The following AAK1 variants were observed in gnomAD, a reference collection of about 807,000 sequenced individuals.
AAK1 encodes the protein AP2 associated kinase 1, also known as AP2-associated protein kinase 1.
Under a neutral mutation model 116.0 loss-of-function variants are expected in AAK1, and 37 were observed. The ratio of observed to expected loss-of-function variants is 0.32; its 90% CI spans 0.25 to 0.42. The LOEUF is 0.42. AAK1 is among the 10% of genes least tolerant of loss of function. The pLI is 1.00. For missense variants in AAK1, 919 were observed against 1,170.6 expected (o/e 0.79, Z 3.14); for synonymous variants, 458 against 439.9 (o/e 1.04, Z -0.51).
At chr2:69,509,191 C>T (rs1676299449) in intron 14 of AAK1, 40 bp downstream of exon 14, 3 of 1,581,644 alleles carry the variant, frequency 1.9e-6, no homozygotes, top group Non-Finnish European at 2.6e-6. Flanking sequence ...GCAGACTTTG[C>T]CCACAGAGGT....
intron 2 of AAK1, among the ~76,000 whole-genome samples, chr2:69,605,556 T>A (rs1673764497): frequency 6.6e-6 from 1 of 152,178 alleles, no homozygotes; most frequent in Non-Finnish European, 1.5e-5. Context: ...TGGTACAACG[T>A]CAAAACCAGG....
At chr2:69,608,929 G>C (rs1673935001) in intron 2 of AAK1, among the ~76,000 whole-genome samples, 1 of 152,202 alleles carries the variant, frequency 6.6e-6, no homozygotes, top group Non-Finnish European at 1.5e-5. Flanking sequence ...TGAAAGACTT[G>C]TACACCGAAA....
intron 2 of AAK1, among the ~76,000 whole-genome samples, chr2:69,590,163 T>A (rs1672968676): frequency 2.0e-5 from 3 of 152,116 alleles, no homozygotes; most frequent in Admixed American, 2.0e-4. Flanking sequence ...GCAGAACACA[T>A]CATGTCATTC....
chr2:69,484,519 G>A (rs1190031446), intron 17 of AAK1, among the ~76,000 whole-genome samples: 6 of 152,156 alleles, frequency 3.9e-5, no homozygotes, highest in Non-Finnish European at 7.4e-5. Flanking sequence ...ACGGCTGGGT[G>A]CAGTGGCTCA....
At chr2:69,482,926 G>A (rs3732273) in intron 17 of AAK1, 114 bp from the exon 18 acceptor site, 31,794 of 647,972 alleles carry the variant, frequency 0.049, 2,730 homozygotes, top group African/African-American at 0.21. Flanking sequence ...TTTGGTACAG[G>A]TTCACCATAA....
rs144741625 is a variant in AAK1, at chr2:69,614,012, G to C, written c.163+28866C>G. 3.0e-3 allele frequency among the ~76,000 whole-genome samples: 462 copies of C among 152,266 alleles called. 3 individuals carry two copies. The highest frequency in any genetic ancestry group is 0.011 in the African/African-American group (445 of 41,540). On this transcript the variant is annotated intron_variant, in intron 2 of 21. Transcript: ENST00000409085. ...GTGTCAGAATTAATTTGAATAGTAG[G>C]ACACCCAAACGGTGTCTAGGAAGTC...
chr2:69,500,902 T>C (rs1377192093), intron 16 of AAK1, among the ~76,000 whole-genome samples: 5 of 151,740 alleles, frequency 3.3e-5, no homozygotes, highest in Non-Finnish European at 7.4e-5. Context: ...TGGAAAATGA[T>C]CAGGGACCTC....
At position 69,464,650 on chromosome 2, in the gene AAK1, G is replaced by T. The variant is rs756345784; in HGVS notation, c.*11219C>A. ...GGAAATGCTTCCTGTGCACACACAC[G>T]TATACATGCACACACAAACCTGTAC... On this transcript the variant is annotated 3_prime_UTR_variant, in exon 22 of 22. Coordinates refer to ENST00000409085, the MANE Select transcript of AAK1 (RefSeq NM_014911.5). 6.6e-6 allele frequency: 1 copy of T among 152,072 alleles called. No individual in the cohort carries two copies. The highest frequency in any genetic ancestry group is 1.5e-5 in the Non-Finnish European group (1 of 68,044). 9.4% of individuals were successfully genotyped at this position (152,072 alleles called of 1,614,324 possible). A position where few individuals can be genotyped will look rare whatever the true frequency, so the allele number is the denominator to read the frequency against.
intron 2 of AAK1, among the ~76,000 whole-genome samples, chr2:69,559,416 C>G (rs1007931116): frequency 3.9e-5 from 6 of 152,106 alleles, no homozygotes; most frequent in African/African-American, 1.4e-4. Context: ...TTCTTCCCCC[C>G]ACCCCCTGCC....
intron 2 of AAK1, chr2:69,597,407 G>T: frequency 6.3e-6 from 1 of 158,412 alleles, no homozygotes; most frequent in Middle Eastern, 9.7e-4. Context: ...TCCCTCACAT[G>T]GGGTCTCCTG....
At position 69,509,443 on chromosome 2, in the gene AAK1, T is replaced by C. The variant is rs572745013; in HGVS notation, c.1794A>G (p.Arg598=). 6.2e-7 allele frequency: 1 copy of C among 1,613,746 alleles called. No homozygotes were observed. The highest frequency in any genetic ancestry group is 1.7e-5 in the Admixed American group (1 of 59,992). ...AQEPAIQAPV[R]QQPKVQTTPP... ...GGGTTGTCTGAACCTTTGGCTGTTG[T>C]CTTACTGGGGCTTGAATCTGCTAGG... Residue 598 remains arginine (R), a synonymous_variant, in exon 14 of 22, where the codon AGA becomes AGG. Transcript: ENST00000409085.
At chr2:69,607,219 G>A (rs2105208565) in intron 2 of AAK1, among the ~76,000 whole-genome samples, 1 of 152,202 alleles carries the variant, frequency 6.6e-6, no homozygotes, top group Middle Eastern at 3.4e-3. Flanking sequence ...AACTGTGAAG[G>A]AGGTGAGTGG....
At chr2:69,520,564 A>G (rs1414127650) in intron 11 of AAK1, among the ~76,000 whole-genome samples, 1 of 151,706 alleles carries the variant, frequency 6.6e-6, no homozygotes, top group Non-Finnish European at 1.5e-5. Context: ...GGGTTTCATC[A>G]TGTTGGCCAG....
intron 2 of AAK1, among the ~76,000 whole-genome samples, chr2:69,586,327 G>A (rs1000915595): frequency 3.9e-5 from 6 of 152,170 alleles, no homozygotes; most frequent in Admixed American, 1.3e-4. Context: ...GGCTGGTAAT[G>A]AGGCAGAAAG....
At chr2:69,619,960 G>A (rs1674518597) in intron 2 of AAK1, among the ~76,000 whole-genome samples, 1 of 152,202 alleles carries the variant, frequency 6.6e-6, no homozygotes, top group African/African-American at 2.4e-5. Flanking sequence ...TTTACTCTGA[G>A]ATGGGGAATC....
Position 69,557,621 on chromosome 2 carries a change from A to G in AAK1, c.164-643T>C, listed in dbSNP as rs551812481. On this transcript the variant is annotated intron_variant, in intron 2 of 21. Coordinates refer to ENST00000409085, the MANE Select transcript of AAK1 (RefSeq NM_014911.5). ...TTGGGTATTTTGATGCTCTTGTTTA[A>G]TTCTTAACACAGTTCTGTGAGATTG... is the stretch of plus-strand genomic sequence containing the variant. 5.3e-5 allele frequency among the ~76,000 whole-genome samples: 8 copies of G among 152,226 alleles called. No homozygotes were observed. In the East Asian group the frequency reaches 1.5e-3, roughly 29 times the overall value.
At chr2:69,615,085 A>G (rs913457907) in intron 2 of AAK1, among the ~76,000 whole-genome samples, 11 of 150,348 alleles carry the variant, frequency 7.3e-5, no homozygotes, top group Admixed American at 2.0e-4. Context: ...AACCACGAGG[A>G]AAAAAACAAA....
At chr2:69,516,175 A>G (rs908560399) in intron 12 of AAK1, among the ~76,000 whole-genome samples, 10 of 152,354 alleles carry the variant, frequency 6.6e-5, no homozygotes, top group Non-Finnish European at 1.2e-4. Context: ...CGCGCCAGAA[A>G]ATAATGTGCT....
At chr2:69,560,932 T>C (rs1243448655) in intron 2 of AAK1, among the ~76,000 whole-genome samples, 1 of 152,212 alleles carries the variant, frequency 6.6e-6, no homozygotes, top group Non-Finnish European at 1.5e-5. Flanking sequence ...GGGAAACGAA[T>C]GTGATGGCTC....
Sources: allele counts gnomAD v4.1 joint callset (sites outside exome capture counted in the v4.1 genomes callset), GRCh38; gene constraint gnomAD v4.1.1; transcripts MANE v1.5; gene names NCBI Gene and HGNC (gene_info 2026-07-23, HGNC 2026-07-21).